The following ANO10 variants were observed in gnomAD, a reference collection of about 807,000 sequenced individuals.
ANO10 encodes anoctamin 10, also known as anoctamin-10.
In ANO10, 77 loss-of-function variants were observed where a neutral mutation model predicts 74.7. The ratio of observed to expected loss-of-function variants is 1.03; its 90% CI spans 0.86 to 1.25. The LOEUF (loss-of-function observed/expected upper bound fraction) is 1.25, where lower values mean the gene tolerates loss of function less well. Ranked by LOEUF, ANO10 falls within the 50% of genes most tolerant of loss-of-function variation. ANO10 has a pLI of 0.00. For synonymous variants in ANO10, 279 were observed against 284.9 expected (o/e 0.98, Z 0.21); for missense variants, 721 against 778.1 (o/e 0.93, Z 0.87).
At chr3:43,630,118 A>C (rs945332490) in intron 1 of ANO10, among the ~76,000 whole-genome samples, 1 of 152,232 alleles carries the variant, frequency 6.6e-6, no homozygotes, top group Non-Finnish European at 1.5e-5. Flanking sequence ...GCAAACAAAC[A>C]ATCTGAATTA....
At chr3:43,398,372 A>G (rs1483267690) in intron 12 of ANO10, among the ~76,000 whole-genome samples, 5 of 152,274 alleles carry the variant, frequency 3.3e-5, no homozygotes, top group African/African-American at 1.2e-4. Flanking sequence ...TTGATAAATT[A>G]GTAGGTAACA....
chr3:43,368,996 C>A (rs2125667938), intron 12 of ANO10, among the ~76,000 whole-genome samples: 1 of 152,346 alleles, frequency 6.6e-6, no homozygotes, highest in South Asian at 2.1e-4. Flanking sequence ...GGCTGGAAGC[C>A]CCGTGAGGTC....
chr3:43,551,885 A>T (rs1438026737), intron 10 of ANO10, among the ~76,000 whole-genome samples: 1 of 152,168 alleles, frequency 6.6e-6, no homozygotes, highest in Non-Finnish European at 1.5e-5. Context: ...CCACTCTCCC[A>T]ATCTCTGTCT....
chr3:43,428,159 C>T (rs767067473), intron 12 of ANO10, among the ~76,000 whole-genome samples: 2 of 151,956 alleles, frequency 1.3e-5, no homozygotes, highest in Non-Finnish European at 2.9e-5. Context: ...AAGCGATTCT[C>T]GTGCCTCAGC....
intron 11 of ANO10, among the ~76,000 whole-genome samples, chr3:43,476,992 T>C (rs1361314857): frequency 1.3e-5 from 2 of 152,212 alleles, no homozygotes; most frequent in Non-Finnish European, 2.9e-5. Flanking sequence ...TAAAATTTCT[T>C]TTATTTGAGA....
intron 11 of ANO10, among the ~76,000 whole-genome samples, chr3:43,469,384 C>A (rs2075763883): frequency 6.6e-6 from 1 of 152,112 alleles, no homozygotes. Context: ...GCGGACAATT[C>A]CTTCAGGTTT....
Position 43,671,156 on chromosome 3 carries a change from C to T in ANO10, c.-12+20361G>A, listed in dbSNP as rs534083415. 1.6e-4 allele frequency among the ~76,000 whole-genome samples: 25 copies of T among 152,090 alleles called. No homozygotes were observed. In the South Asian group the frequency reaches 5.2e-3, roughly 32 times the overall value. On this transcript the variant is annotated intron_variant, in intron 1 of 3. Coordinates refer to the ANO10 transcript ENST00000413397. Reference sequence around the variant, plus strand: ...CTTAATTAGGTAGAATTTTGAATTCCTTGCAGGTGTTATTTAAACCTGGAC... The same window carrying T: ...CTTAATTAGGTAGAATTTTGAATTCTTTGCAGGTGTTATTTAAACCTGGAC...
At chr3:43,623,301 TTTA>T (rs775754896), upstream of ANO10, among the ~76,000 whole-genome samples, 3 of 152,352 alleles carry the variant, frequency 2.0e-5, no homozygotes, top group South Asian at 2.1e-4. Context: ...ATTGTTCTAT[TTTA>T]TTATTATTCA....
At chr3:43,502,646 C>A (rs1010208489) in intron 11 of ANO10, among the ~76,000 whole-genome samples, 3 of 152,080 alleles carry the variant, frequency 2.0e-5, no homozygotes, top group Admixed American at 6.6e-5. Context: ...TATAACAACA[C>A]AAATGAAGTA....
chr3:43,451,398 C>T lies in ANO10; in HGVS notation c.1798-18671G>A, dbSNP rs115051355. Among the ~76,000 whole-genome samples the T allele has an allele frequency of 5.2e-3, 796 of 152,272 alleles. 5 individuals carry two copies. The highest frequency in any genetic ancestry group is 0.018 in the African/African-American group (767 of 41,562). On this transcript the variant is annotated intron_variant, in intron 11 of 12. Transcript: ENST00000292246. ...GAGCTCCCTATGAAATCAGCTGAGG[C>T]GTTGTTGCCCAACTTCTCCCTCTGT...
intron 12 of ANO10, among the ~76,000 whole-genome samples, chr3:43,428,674 G>GA (rs1218765523): frequency 4.7e-5 from 7 of 150,416 alleles, no homozygotes; most frequent in African/African-American, 1.2e-4. Flanking sequence ...GTCCTCAGGG[G>GA]AAAAAAATCT....
chr3:43,376,985 A>G (rs77756989), intron 12 of ANO10, among the ~76,000 whole-genome samples: 1,872 of 152,362 alleles, frequency 0.012, 17 homozygotes, highest in Non-Finnish European at 0.02. Context: ...CATTGTCCCA[A>G]TTGTTCAGGT....
intron 11 of ANO10, among the ~76,000 whole-genome samples, chr3:43,483,759 T>C (rs1279314655): frequency 1.3e-5 from 2 of 152,118 alleles, no homozygotes; most frequent in Admixed American, 1.3e-4. Context: ...CGTAAATCAA[T>C]ACATGGAAGG....
intron 12 of ANO10, chr3:43,372,597 C>T: frequency 2.0e-6 from 1 of 489,210 alleles, no homozygotes; most frequent in Non-Finnish European, 3.7e-6. Flanking sequence ...CCTGTCTCCT[C>T]CTCATCCCTC....
intron 1 of ANO10, among the ~76,000 whole-genome samples, chr3:43,675,939 A>C (rs2084115533): frequency 6.6e-6 from 1 of 152,232 alleles, no homozygotes; most frequent in South Asian, 2.1e-4. Flanking sequence ...GAGAAACTAA[A>C]ACTTGGAATC....
At chr3:43,570,154 C>T (rs2080620279) in intron 7 of ANO10, among the ~76,000 whole-genome samples, 1 of 139,110 alleles carries the variant, frequency 7.2e-6, no homozygotes, top group Non-Finnish European at 1.6e-5. Context: ...TCAAGGAGAA[C>T]TACAAACCAC....
intron 11 of ANO10, among the ~76,000 whole-genome samples, chr3:43,512,748 C>T (rs2077557962): frequency 6.6e-6 from 1 of 152,200 alleles, no homozygotes; most frequent in Non-Finnish European, 1.5e-5. Context: ...TAACAGACCA[C>T]TTCCACCAAG....
intron 12 of ANO10, among the ~76,000 whole-genome samples, chr3:43,424,215 C>G (rs1575750721): frequency 6.6e-6 from 1 of 152,190 alleles, no homozygotes; most frequent in East Asian, 1.9e-4. Context: ...AAAATCGTTG[C>G]AGTGAGAAAG....
intron 12 of ANO10, among the ~76,000 whole-genome samples, chr3:43,425,366 G>C (rs1262782209): frequency 3.3e-5 from 5 of 151,286 alleles, no homozygotes; most frequent in African/African-American, 1.2e-4. Flanking sequence ...ATGGAGCGGG[G>C]GGAAGAAGTT....
Sources: allele counts gnomAD v4.1 joint callset (sites outside exome capture counted in the v4.1 genomes callset), GRCh38; gene constraint gnomAD v4.1.1; transcripts MANE v1.5; gene names NCBI Gene and HGNC (gene_info 2026-07-23, HGNC 2026-07-21).